The following GBE1 variants were observed in gnomAD, a reference collection of about 807,000 sequenced individuals.
GBE1 encodes the protein 1,4-alpha-glucan branching enzyme 1, also known as 1,4-alpha-glucan-branching enzyme.
GBE1 carries 70 observed loss-of-function variants against 88.8 expected under a neutral mutation model. The observed-to-expected ratio is 0.79, with a 90% CI of 0.65 to 0.96. The LOEUF is 0.96. Among genes scored for constraint, GBE1 ranks in the 40% least tolerant of loss-of-function variants. GBE1 has a pLI of 0.00. For missense variants in GBE1, 872 were observed against 871.0 expected (o/e 1.00, Z -0.01); for synonymous variants, 284 against 300.1 (o/e 0.95, Z 0.56).
At chr3:81,527,710 G>A (rs928349170) in intron 14 of GBE1, among the ~76,000 whole-genome samples, 1 of 152,024 alleles carries the variant, frequency 6.6e-6, no homozygotes, top group Non-Finnish European at 1.5e-5. Flanking sequence ...TAAAAAGTCA[G>A]GAAACAACAG....
chr3:81,503,296 G>A (rs1702614061), intron 14 of GBE1, among the ~76,000 whole-genome samples: 1 of 152,094 alleles, frequency 6.6e-6, no homozygotes, highest in South Asian at 2.1e-4. Flanking sequence ...GCAATGAGAG[G>A]GAGAGTCAAG....
chr3:81,512,120 A>C (rs1173425326), intron 14 of GBE1, among the ~76,000 whole-genome samples: 1 of 152,008 alleles, frequency 6.6e-6, no homozygotes, highest in African/African-American at 2.4e-5. Context: ...GCATGTTCTC[A>C]CTTATAAGTG....
chr3:81,669,299 T>G (rs1285086003), intron 3 of GBE1, among the ~76,000 whole-genome samples: 3 of 151,916 alleles, frequency 2.0e-5, no homozygotes, highest in Non-Finnish European at 4.4e-5. Context: ...CTGCCAATTA[T>G]CTCAAAAAAA....
chr3:81,598,292 T>C (rs1703986033), intron 7 of GBE1, among the ~76,000 whole-genome samples: 1 of 152,000 alleles, frequency 6.6e-6, no homozygotes, highest in Non-Finnish European at 1.5e-5. Flanking sequence ...TTAGGCTGAA[T>C]GGGTATTAAA....
At chr3:81,743,569 A>C (rs1426703352) in intron 1 of GBE1, 70 of 1,534,958 alleles carry the variant, frequency 4.6e-5, no homozygotes, top group Non-Finnish European at 5.8e-5. Context: ...CACTTTAGCA[A>C]GATTCATGGG....
chr3:81,680,646 T>C (rs1705327379), intron 2 of GBE1, among the ~76,000 whole-genome samples: 1 of 152,236 alleles, frequency 6.6e-6, no homozygotes, highest in Admixed American at 6.5e-5. Context: ...CCTAGTATTA[T>C]GGACTGAAAG....
At chr3:81,513,302 G>A (rs185105625) in intron 14 of GBE1, among the ~76,000 whole-genome samples, 179 of 151,848 alleles carry the variant, frequency 1.2e-3, no homozygotes, top group Non-Finnish European at 2.2e-3. Context: ...AGAAAGGTGG[G>A]CAAATAGTAC....
At chr3:81,635,324 T>C (rs1269313738) in intron 7 of GBE1, among the ~76,000 whole-genome samples, 2 of 152,050 alleles carry the variant, frequency 1.3e-5, no homozygotes, top group Non-Finnish European at 2.9e-5. Context: ...AAAATGTGGA[T>C]GGGAAATGCA....
chr3:81,667,142 C>T (rs2107108119), intron 3 of GBE1, among the ~76,000 whole-genome samples: 2 of 152,268 alleles, frequency 1.3e-5, no homozygotes, highest in South Asian at 2.1e-4. Context: ...TTGTTGCTCT[C>T]GTTGAAGAGG....
At chr3:81,604,274 T>TTTTC (rs1170458942) in intron 7 of GBE1, among the ~76,000 whole-genome samples, 1 of 140,558 alleles carries the variant, frequency 7.1e-6, no homozygotes, top group Admixed American at 7.3e-5. Context: ...TTAACTTTTC[T>TTTTC]TTTCTTTCTT....
At chr3:81,513,106 G>C (rs771665749) in intron 14 of GBE1, among the ~76,000 whole-genome samples, 1 of 151,596 alleles carries the variant, frequency 6.6e-6, no homozygotes, top group Non-Finnish European at 1.5e-5. Context: ...ATAGGTCAAG[G>C]TGGGGAGAAT....
chr3:81,551,681 A>G (rs1226688605), intron 12 of GBE1, among the ~76,000 whole-genome samples: 4 of 152,156 alleles, frequency 2.6e-5, no homozygotes, highest in African/African-American at 7.2e-5. Flanking sequence ...CTGATGTCTC[A>G]TGTCTCCCTA....
intron 1 of GBE1, among the ~76,000 whole-genome samples, chr3:81,732,706 C>T (rs78104389): frequency 1.4e-3 from 218 of 152,228 alleles, no homozygotes; most frequent in African/African-American, 5.0e-3. Context: ...CATAACTAGT[C>T]GTCCTGTTTA....
At chr3:81,541,779 T>C (rs769675016) in intron 12 of GBE1, among the ~76,000 whole-genome samples, 5 of 152,086 alleles carry the variant, frequency 3.3e-5, no homozygotes, top group Non-Finnish European at 5.9e-5. Flanking sequence ...TGGTTTGTTA[T>C]AGCAGGACAA....
intron 3 of GBE1, among the ~76,000 whole-genome samples, chr3:81,667,734 G>C (rs1454795571): frequency 6.6e-6 from 1 of 152,126 alleles, no homozygotes; most frequent in Non-Finnish European, 1.5e-5. Context: ...TTCTGTTTAT[G>C]TGATGGATTA....
At chr3:81,749,448 AG>A (rs1489786508) in intron 1 of GBE1, among the ~76,000 whole-genome samples, 1 of 151,994 alleles carries the variant, frequency 6.6e-6, no homozygotes, top group Non-Finnish European at 1.5e-5. Flanking sequence ...GGTTGCCAAA[AG>A]TTAGGGATGG....
intron 2 of GBE1, among the ~76,000 whole-genome samples, chr3:81,692,706 T>C (rs1422776865): frequency 6.6e-6 from 1 of 152,226 alleles, no homozygotes; most frequent in African/African-American, 2.4e-5. Flanking sequence ...AAAGAATTCC[T>C]ATTAAAGGCA....
intron 10 of GBE1, 99 bp downstream of exon 10, chr3:81,585,993 T>A: frequency 1.5e-6 from 1 of 663,926 alleles, no homozygotes; most frequent in Non-Finnish European, 2.5e-6. Flanking sequence ...ACTTCAATTA[T>A]AATATCTGTA....
intron 14 of GBE1, chr3:81,509,691 T>G (rs1381302): frequency 6.6e-5 from 10 of 151,686 alleles, no homozygotes; most frequent in Non-Finnish European, 7.4e-5. Context: ...TCTATGCATG[T>G]TTTTGCTAAA....
Sources: gnomAD v4.1 joint callset for allele counts (sites outside exome capture counted in the v4.1 genomes callset) on GRCh38, gnomAD v4.1.1 for gene constraint, MANE v1.5 for transcripts, NCBI Gene and HGNC (gene_info 2026-07-23, HGNC 2026-07-21) for gene names.